The following INPP4B variants were observed in gnomAD, a reference collection of about 807,000 sequenced individuals.
INPP4B encodes inositol polyphosphate 4-phosphatase type II.
In INPP4B, 55 loss-of-function variants were observed where a neutral mutation model predicts 122.5. The observed-to-expected ratio is 0.45, with a 90% CI of 0.36 to 0.56. The LOEUF (loss-of-function observed/expected upper bound fraction) is 0.56. Ranked by LOEUF, INPP4B falls within the 20% of genes least tolerant of loss-of-function variation. The probability of loss-of-function intolerance (pLI) is 0.00; values close to 1 mark genes in which losing one functional copy is unlikely to be tolerated. For missense variants in INPP4B, 1,000 were observed against 1,097.7 expected (o/e 0.91, Z 1.26); for synonymous variants, 403 against 388.7 (o/e 1.04, Z -0.43).
chr4:142,350,080 T>C lies in INPP4B; in HGVS notation c.373-35318A>G, dbSNP rs530366412. Among the ~76,000 whole-genome samples, 9 of 152,070 alleles carry C rather than the reference T, an allele frequency of 5.9e-5. No individual in the cohort carries two copies. In the East Asian group the frequency reaches 7.8e-4, roughly 13 times the overall value. ...TACCTCTTCGGCGCTTAGAATGCAA[T>C]AAGACATAAGAAAGAAAATTACCAT... On this transcript the variant is annotated intron_variant, in intron 7 of 25. Transcript: ENST00000262992.
At chr4:142,645,149 C>T (rs1751462615) in intron 2 of INPP4B, among the ~76,000 whole-genome samples, 1 of 151,882 alleles carries the variant, frequency 6.6e-6, no homozygotes, top group East Asian at 1.9e-4. Flanking sequence ...ACAATTTAAA[C>T]AATACAAAAA....
chr4:142,319,197 G>A (rs1262299532), intron 7 of INPP4B, among the ~76,000 whole-genome samples: 1 of 152,162 alleles, frequency 6.6e-6, no homozygotes, highest in Non-Finnish European at 1.5e-5. Flanking sequence ...GGTAGGTGAG[G>A]GAGAAGCATC....
rs553037107 is a variant in INPP4B, at chr4:142,499,502, A to T, written c.-190-36776T>A. 1.2e-4 allele frequency among the ~76,000 whole-genome samples: 19 copies of T among 152,322 alleles called. No homozygotes were observed. The South Asian group carries it at 1.5e-3, about 12-fold the overall frequency. ...ACAGTATGCCTTATTGGACAGACTC[A>T]TTGAGGCGATTAAGATTTTAATGTG... On this transcript the variant is annotated intron_variant, in intron 2 of 25. Transcript: ENST00000262992.
chr4:142,829,217 T>C (rs982379096), intron 1 of INPP4B, among the ~76,000 whole-genome samples: 102 of 144,354 alleles, frequency 7.1e-4, no homozygotes, highest in Middle Eastern at 4.3e-3. Flanking sequence ...TGACTTGGAT[T>C]CACTCTTCTC....
intron 2 of INPP4B, among the ~76,000 whole-genome samples, chr4:142,573,434 G>A (rs911900851): frequency 1.8e-4 from 27 of 152,028 alleles, no homozygotes; most frequent in Non-Finnish European, 3.1e-4. Flanking sequence ...TAGTACAGCA[G>A]GAAGAGGAGA....
At chr4:142,839,740 T>C (rs1363912059) in intron 1 of INPP4B, among the ~76,000 whole-genome samples, 1 of 152,222 alleles carries the variant, frequency 6.6e-6, no homozygotes, top group Non-Finnish European at 1.5e-5. Context: ...TTGACAATTA[T>C]TGAAACTGGC....
At chr4:142,532,520 T>C (rs1827737630) in intron 2 of INPP4B, among the ~76,000 whole-genome samples, 1 of 152,120 alleles carries the variant, frequency 6.6e-6, no homozygotes, top group Admixed American at 6.6e-5. Flanking sequence ...CTCATCAAGA[T>C]AGCAACTTTC....
chr4:142,686,322 C>A (rs1479309359), intron 2 of INPP4B, among the ~76,000 whole-genome samples: 1 of 152,062 alleles, frequency 6.6e-6, no homozygotes, highest in Admixed American at 6.6e-5. Context: ...TTCTAATAAC[C>A]TTTGCTGCCA....
intron 3 of INPP4B, among the ~76,000 whole-genome samples, chr4:142,432,297 T>A (rs1451225333): frequency 6.6e-6 from 1 of 152,080 alleles, no homozygotes; most frequent in Non-Finnish European, 1.5e-5. Context: ...ACTAATAATG[T>A]CTCAAACTTC....
At chr4:142,073,672 T>C (rs1768845488) in intron 25 of INPP4B, among the ~76,000 whole-genome samples, 1 of 152,098 alleles carries the variant, frequency 6.6e-6, no homozygotes, top group African/African-American at 2.4e-5. Flanking sequence ...AATTCATGGA[T>C]ATCATTGGCT....
chr4:142,068,120 A>G (rs1207133911), intron 25 of INPP4B, among the ~76,000 whole-genome samples: 1 of 152,240 alleles, frequency 6.6e-6, no homozygotes, highest in East Asian at 1.9e-4. Context: ...CCATCAGACT[A>G]ACAGCGGATC....
chr4:142,788,928 C>T (rs1776141497), intron 1 of INPP4B, among the ~76,000 whole-genome samples: 1 of 152,036 alleles, frequency 6.6e-6, no homozygotes, highest in South Asian at 2.1e-4. Flanking sequence ...GATGATTTAA[C>T]ATACGCAAGT....
intron 2 of INPP4B, among the ~76,000 whole-genome samples, chr4:142,581,366 A>T (rs1164661697): frequency 6.6e-6 from 1 of 152,044 alleles, no homozygotes; most frequent in Non-Finnish European, 1.5e-5. Flanking sequence ...AAGGGCAAGC[A>T]AACAAACTAC....
chr4:142,109,464 T>A (rs1376163004), intron 22 of INPP4B, among the ~76,000 whole-genome samples: 1 of 152,192 alleles, frequency 6.6e-6, no homozygotes, highest in Non-Finnish European at 1.5e-5. Context: ...CGATGTCTTA[T>A]AGTCTCCCTA....
intron 7 of INPP4B, chr4:142,347,642 TA>T (rs1347341844): frequency 3.0e-6 from 1 of 337,234 alleles, no homozygotes; most frequent in Admixed American, 3.9e-5. Flanking sequence ...AAAAATAGTT[TA>T]AAAATTCATT....
intron 23 of INPP4B, among the ~76,000 whole-genome samples, chr4:142,106,869 T>C (rs1026079403): frequency 2.6e-5 from 4 of 152,186 alleles, no homozygotes; most frequent in African/African-American, 7.2e-5. Context: ...ATAAGAAATA[T>C]AATTTTTATC....
chr4:142,611,509 G>A (rs1580498249), intron 2 of INPP4B, among the ~76,000 whole-genome samples: 2 of 151,152 alleles, frequency 1.3e-5, no homozygotes, highest in Admixed American at 1.3e-4. Flanking sequence ...CTTTTATCTG[G>A]CCTAACATTA....
chr4:142,260,792 C>T (rs1561665202), intron 10 of INPP4B, among the ~76,000 whole-genome samples: 1 of 152,030 alleles, frequency 6.6e-6, no homozygotes, highest in Non-Finnish European at 1.5e-5. Context: ...GTAGAGGGTA[C>T]TCAGGGAAAA....
Position 142,318,053 on chromosome 4 carries a change from C to T in INPP4B, c.373-3291G>A, listed in dbSNP as rs186745324. Among the ~76,000 whole-genome samples the T allele has an allele frequency of 1.8e-3, 278 of 152,240 alleles. 1 individual carries two copies. Among genetic ancestry groups the T allele is most frequent in the African/African-American group, 6.2e-3 (256 of 41,528 alleles). On this transcript the variant is annotated intron_variant, in intron 7 of 25. Transcript: ENST00000262992. ...ACACATCCCAAATCTTCCCGAGTCA[C>T]CTTGGAAAAATTATTGAACCTCTTC...
Sources: gnomAD v4.1 joint callset for allele counts (sites outside exome capture counted in the v4.1 genomes callset) on GRCh38, gnomAD v4.1.1 for gene constraint, MANE v1.5 for transcripts, NCBI Gene and HGNC (gene_info 2026-07-23, HGNC 2026-07-21) for gene names.